The following KIF17 variants were observed in gnomAD, a reference collection of about 807,000 sequenced individuals.
The protein encoded by KIF17 is kinesin-like protein KIF17.
Under a neutral mutation model 96.8 loss-of-function variants are expected in KIF17, and 80 were observed. The ratio of observed to expected loss-of-function variants is 0.83; its 90% CI spans 0.69 to 1.00. The LOEUF (loss-of-function observed/expected upper bound fraction) is 1.00, where lower values mean the gene tolerates loss of function less well. Among genes scored for constraint, KIF17 ranks in the 50% least tolerant of loss-of-function variants. The pLI is 0.00. For synonymous variants in KIF17, 567 were observed against 587.5 expected, an observed-to-expected ratio of 0.97 and a Z score of 0.51; for missense variants, 1,280 against 1,372.9, an observed-to-expected ratio of 0.93 and a Z score of 1.07.
At chr1:20,708,750 C>T (rs12024310) in intron 4 of KIF17, among the ~76,000 whole-genome samples, 9,085 of 152,204 alleles carry the variant, frequency 0.06, 577 homozygotes, top group East Asian at 0.39. Flanking sequence ...CTAAGACTGT[C>T]GTGAGATTTA....
At chr1:20,712,641 ATATAGATAATATTATCTATATATAAT>A (rs2054470232) in intron 3 of KIF17, among the ~76,000 whole-genome samples, 1 of 56,346 alleles carries the variant, frequency 1.8e-5, no homozygotes, top group Non-Finnish European at 3.7e-5. Flanking sequence ...TATATATATA[ATATAGATAATATTATCTATATATAAT>A]ATAGATAATA....
chr1:20,665,913 G>A (rs752719926), intron 14 of KIF17, among the ~76,000 whole-genome samples: 2 of 152,200 alleles, frequency 1.3e-5, no homozygotes, highest in African/African-American at 4.8e-5. Context: ...GCCTAAACCC[G>A]TGCATCCCCA....
At chr1:20,666,430 G>A (rs911081376) in intron 13 of KIF17, 99 bp from the exon 14 acceptor site, 9 of 974,908 alleles carry the variant, frequency 9.2e-6, no homozygotes, top group African/African-American at 4.8e-5. Flanking sequence ...GGGCCGCCCC[G>A]AGCTTCCCCG....
intron 6 of KIF17, among the ~76,000 whole-genome samples, chr1:20,697,996 CT>C (rs2054171687): frequency 6.6e-6 from 1 of 152,340 alleles, no homozygotes; most frequent in African/African-American, 2.4e-5. Context: ...CCCACCCTGA[CT>C]GCCTCGCCTC....
intron 11 of KIF17, among the ~76,000 whole-genome samples, chr1:20,675,095 G>A (rs1262446901): frequency 1.3e-5 from 2 of 149,604 alleles, no homozygotes; most frequent in East Asian, 4.0e-4. Flanking sequence ...AGGTTGCAGT[G>A]AGCCAAGATC....
chr1:20,690,348 G>GA lies in KIF17; in HGVS notation c.1234-14dup. ...GCTCTTCATACTCCTGGGGGGGTGGGAGGGACCAGAGGGCAGGCAGCATTT... is the reference window on the plus strand; with the variant it reads ...GCTCTTCATACTCCTGGGGGGGTGGGAAGGGACCAGAGGGCAGGCAGCATTT... On this transcript the variant is annotated splice_polypyrimidine_tract_variant and intron_variant, in intron 6 of 14. Transcript: ENST00000400463. 5.3e-6 allele frequency: 4 copies of GA among 757,426 alleles called. No homozygotes were observed. The highest frequency in any genetic ancestry group is 6.4e-6 in the Non-Finnish European group (3 of 468,126). 46.9% of individuals were successfully genotyped at this position (757,426 alleles called of 1,614,324 possible).
Position 20,669,889 on chromosome 1 carries a change from A to C in KIF17, c.2790+532T>G, listed in dbSNP as rs1193044464. On this transcript the variant is annotated intron_variant, in intron 13 of 14. Transcript: ENST00000400463. ...CAAAAAAAAAAAAAAAAAAAAAAAA[A>C]AAAAAAAAAAAAAAACAACCACCAC... 1.6e-4 allele frequency among the ~76,000 whole-genome samples: 22 copies of C among 139,604 alleles called. 1 individual carries two copies. Among genetic ancestry groups the C allele is most frequent in the Admixed American group, 5.0e-4 (7 of 13,910 alleles). The allele number at this position is 139,604 out of a possible 152,430, so 91.6% of individuals were successfully genotyped here. A position where few individuals can be genotyped will look rare whatever the true frequency, so the allele number is the denominator to read the frequency against.
Position 20,717,745 on chromosome 1 carries a change from C to G in KIF17, c.-39G>C, listed in dbSNP as rs758490801. ...GGACCAACGGGACCAGAGCTGACCC[C>G]CGCCCCGCCGGGGACTCCCAGCAGC... On this transcript the variant is annotated 5_prime_UTR_variant, in exon 1 of 15. Transcript: ENST00000400463. 7.0e-5 allele frequency: 106 copies of G among 1,511,470 alleles called. No individual in the cohort carries two copies. Among genetic ancestry groups the G allele is most frequent in the Non-Finnish European group, 9.1e-5 (103 of 1,137,146 alleles). 93.6% of individuals were successfully genotyped at this position (1,511,470 alleles called of 1,614,324 possible).
downstream of KIF17, among the ~76,000 whole-genome samples, chr1:20,662,660 G>A (rs2053456984): frequency 6.6e-6 from 1 of 152,156 alleles, no homozygotes; most frequent in Admixed American, 6.5e-5. Context: ...ACGGCACAGG[G>A]ACACCCCAAG....
intron 11 of KIF17, among the ~76,000 whole-genome samples, chr1:20,680,257 T>C (rs1282063436): frequency 2.0e-5 from 3 of 152,340 alleles, no homozygotes; most frequent in Non-Finnish European, 2.9e-5. Context: ...TCAGCTGTTA[T>C]TGATAGTCCA....
intron 5 of KIF17, among the ~76,000 whole-genome samples, chr1:20,702,254 T>C (rs527395273): frequency 1.3e-5 from 2 of 152,284 alleles, no homozygotes; most frequent in South Asian, 4.1e-4. Context: ...AACTGCTCAG[T>C]GCTCAGCTAT....
rs2054410102 is a variant in KIF17, at chr1:20,709,991, G to C, written c.481-163C>G. On this transcript the variant is annotated intron_variant, in intron 3 of 14. Coordinates refer to ENST00000400463, the MANE Select transcript of KIF17 (RefSeq NM_001122819.3). The surrounding 1 kb of genome is among the most constrained non-coding windows in gnomAD (Gnocchi z 4.7). ...CTGTCACAGGGAGGGGTGTGTTCCA[G>C]GCCCAGCCAGCCTCAGACCTACCCC... Among the ~76,000 whole-genome samples, 1 of 152,160 alleles carries C rather than the reference G, an allele frequency of 6.6e-6. No homozygotes were observed. The highest frequency in any genetic ancestry group is 1.5e-5 in the Non-Finnish European group (1 of 68,010).
Position 20,685,131 on chromosome 1 carries a change from ACAGATCACCTC to A in KIF17, c.2020-122_2020-112del. On this transcript the variant is annotated intron_variant, in intron 9 of 14. Coordinates refer to ENST00000400463, the MANE Select transcript of KIF17 (RefSeq NM_001122819.3). The surrounding 1 kb of genome is among the most constrained non-coding windows in gnomAD (Gnocchi z 4.1). ...GGCCATTCCGCCTGCTGCAGCCCCG[ACAGATCACCTC>A]CAGCTCAGGGACACCAGTGACACAA... The A allele has an allele frequency of 1.2e-6, 1 of 816,832 alleles. No homozygotes were observed. Among genetic ancestry groups the A allele is most frequent in the Admixed American group, 2.0e-5 (1 of 50,080 alleles). The allele number at this position is 816,832 out of a possible 1,614,324, so 50.6% of individuals were successfully genotyped here. A position where few individuals can be genotyped will look rare whatever the true frequency, so the allele number is the denominator to read the frequency against.
At chr1:20,707,904 A>C (rs2054372659) in intron 4 of KIF17, among the ~76,000 whole-genome samples, 1 of 147,826 alleles carries the variant, frequency 6.8e-6, no homozygotes. Context: ...AAGAATTATA[A>C]ATATAAATAA....
At chr1:20,696,498 C>G (rs1248620960) in intron 6 of KIF17, among the ~76,000 whole-genome samples, 1 of 152,162 alleles carries the variant, frequency 6.6e-6, no homozygotes, top group Non-Finnish European at 1.5e-5. Context: ...GGCCGCCCCA[C>G]GAGAAGGAGG....
chr1:20,715,545 G>A lies in KIF17; in HGVS notation c.326C>T (p.Ser109Phe). The A allele has an allele frequency of 2.5e-6, 4 of 1,613,742 alleles. No homozygotes were observed. Among genetic ancestry groups the A allele is most frequent in the Non-Finnish European group, 3.4e-6 (4 of 1,180,040 alleles). The stretch of plus-strand genomic sequence containing the variant: ...GGCCCTGGGGATGATGCCTCTCTGG[G>A]AGGGCGGATCCGGCAGGCCCTGCAT... ...FTMQGLPDPPSQRGIIPRAFE... is the reference protein window; with the variant it reads ...FTMQGLPDPPFQRGIIPRAFE... Residue 109 changes from serine (S) to phenylalanine (F), a missense_variant, in exon 2 of 15, where the codon TCC becomes TTC. By Grantham distance (155) the Ser-to-Phe change is radical. Transcript: ENST00000400463.
Position 20,685,414 on chromosome 1 carries a change from G to A in KIF17, c.2020-394C>T. The A allele has an allele frequency of 2.5e-6, 1 of 396,040 alleles. No individual in the cohort carries two copies. The highest frequency in any genetic ancestry group is 4.9e-6 in the Non-Finnish European group (1 of 204,908). 24.5% of individuals were successfully genotyped at this position (396,040 alleles called of 1,614,324 possible). A position where few individuals can be genotyped will look rare whatever the true frequency, so the allele number is the denominator to read the frequency against. ...CTCCACGGCCTCCCCCGCCACCGTG[G>A]CCTCCTTTTCCATTGCTAAGAAAGT... On this transcript the variant is annotated intron_variant, in intron 9 of 14. Transcript: ENST00000400463. This position sits in a 1 kb window ranked among gnomAD's most constrained non-coding sequence, Gnocchi z 4.1.
At chr1:20,662,123 TG>T (rs1490144413), downstream of KIF17, among the ~76,000 whole-genome samples, 1 of 152,376 alleles carries the variant, frequency 6.6e-6, no homozygotes, top group East Asian at 1.9e-4. Context: ...TGTTTATCTG[TG>T]TGCCTTAGGA....
chr1:20,664,429 G>A lies in KIF17; in HGVS notation c.*155C>T. ...CCCAGGGCGGAGGTGGGCTCTCTGG[G>A]GAACAGGGAAGGGAATGTGTCTTCC... On this transcript the variant is annotated 3_prime_UTR_variant, in exon 15 of 15. Coordinates refer to ENST00000400463, the MANE Select transcript of KIF17 (RefSeq NM_001122819.3). The A allele has an allele frequency of 6.5e-7, 1 of 1,541,288 alleles. No individual in the cohort carries two copies. Among genetic ancestry groups the A allele is most frequent in the East Asian group, 2.4e-5 (1 of 42,288 alleles).
Sources: allele counts gnomAD v4.1 joint callset (sites outside exome capture counted in the v4.1 genomes callset), GRCh38; gene constraint gnomAD v4.1.1; non-coding constraint Gnocchi (gnomAD v3.1); transcripts MANE v1.5; gene names NCBI Gene and HGNC (gene_info 2026-07-23, HGNC 2026-07-21).